Variants in ARHGAP8 observed in about 807,000 individuals in gnomAD.
ARHGAP8 encodes Rho GTPase activating protein 8.
A neutral mutation model predicts 46.1 loss-of-function variants in ARHGAP8; 62 were observed. The observed-to-expected ratio is 1.34, with a 90% CI of 1.10 to 1.66. The LOEUF (loss-of-function observed/expected upper bound fraction) is 1.66. Among genes scored for constraint, ARHGAP8 ranks in the 40% most tolerant of loss-of-function variants. ARHGAP8 has a pLI of 0.00. For synonymous variants in ARHGAP8, 375 were observed against 243.1 expected (o/e 1.54, Z -5.05); for missense variants, 923 against 568.4 (o/e 1.62, Z -6.34).
chr22:44,759,486 G>A (rs1003739751), intron 1 of ARHGAP8, among the ~76,000 whole-genome samples: 2 of 152,186 alleles, frequency 1.3e-5, no homozygotes, highest in Non-Finnish European at 2.9e-5. Flanking sequence ...CCATGTAGCT[G>A]CAAAGGTCTG....
At chr22:44,812,304 C>T (rs1290308332) in intron 4 of ARHGAP8, among the ~76,000 whole-genome samples, 1 of 151,636 alleles carries the variant, frequency 6.6e-6, no homozygotes, top group Non-Finnish European at 1.5e-5. Context: ...CTCTGGAAGC[C>T]ACTGCTACTG....
intron 5 of ARHGAP8, among the ~76,000 whole-genome samples, chr22:44,821,522 C>A (rs1602225082): frequency 6.6e-6 from 1 of 152,082 alleles, no homozygotes; most frequent in Admixed American, 6.5e-5. Context: ...ATGGCAAAAA[C>A]CAAACCTAGA....
chr22:44,796,921 G>C (rs1928130230), intron 2 of ARHGAP8, among the ~76,000 whole-genome samples: 1 of 152,208 alleles, frequency 6.6e-6, no homozygotes. Flanking sequence ...CCCTCAACCT[G>C]TGAAGGGTGG....
intron 1 of ARHGAP8, among the ~76,000 whole-genome samples, chr22:44,781,238 C>A (rs1557559): frequency 0.074 from 11,218 of 152,232 alleles, 860 homozygotes; most frequent in African/African-American, 0.2. Flanking sequence ...TGGAATTTTA[C>A]ATACATTGCT....
intron 10 of ARHGAP8, among the ~76,000 whole-genome samples, chr22:44,853,483 G>A (rs2070146335): frequency 6.6e-6 from 1 of 152,156 alleles, no homozygotes; most frequent in Non-Finnish European, 1.5e-5. Flanking sequence ...GAGAGGAACT[G>A]AGAACCCGCA....
At chr22:44,822,319 CCT>C in intron 5 of ARHGAP8, 50 bp from the exon 6 acceptor site, 4 of 1,506,268 alleles carry the variant, frequency 2.7e-6, no homozygotes, top group South Asian at 1.3e-5. Context: ...CAACCCTCGG[CCT>C]CTCTGCTGGC....
chr22:44,793,230 G>T (rs951520510), intron 2 of ARHGAP8, among the ~76,000 whole-genome samples: 4 of 152,156 alleles, frequency 2.6e-5, no homozygotes, highest in African/African-American at 9.7e-5. Flanking sequence ...CTGAGGCTGG[G>T]AGCTCAGAGT....
chr22:44,816,680 C>G (rs1197328539), intron 5 of ARHGAP8, among the ~76,000 whole-genome samples: 3 of 151,838 alleles, frequency 2.0e-5, no homozygotes, highest in African/African-American at 7.3e-5. Context: ...TAGCATGCGC[C>G]TGTGGTCCCA....
In ARHGAP8 at chr22:44,811,964, T is replaced by G. The variant is rs1489443082; in HGVS notation, c.300-2708T>G. Among the ~76,000 whole-genome samples the G allele has an allele frequency of 2.7e-5, 4 of 147,276 alleles. No individual in the cohort carries two copies. The Admixed American group carries it at 2.7e-4, about 10-fold the overall frequency. On this transcript the variant is annotated intron_variant, in intron 4 of 11. Transcript: ENST00000356099. ...GTGAGCTGAGATCGCGCCACCGCAC[T>G]CCATCCTGGGCAACAGAGTGAAACT... is the stretch of plus-strand genomic sequence containing the variant.
At chr22:44,857,966 C>T (rs538812281) in intron 10 of ARHGAP8, among the ~76,000 whole-genome samples, 1 of 151,048 alleles carries the variant, frequency 6.6e-6, no homozygotes, top group Non-Finnish European at 1.5e-5. Context: ...GTGACCTGCA[C>T]CAGTACCCAC....
chr22:44,764,151 T>C (rs1925371551), intron 1 of ARHGAP8, among the ~76,000 whole-genome samples: 2 of 151,800 alleles, frequency 1.3e-5, no homozygotes, highest in Admixed American at 1.3e-4. Context: ...GCTTGCAGAG[T>C]TGTAAAACAA....
intron 6 of ARHGAP8, among the ~76,000 whole-genome samples, chr22:44,823,718 G>C (rs1930315191): frequency 1.3e-5 from 2 of 152,168 alleles, no homozygotes; most frequent in South Asian, 4.1e-4. Context: ...TTGGTCTGGT[G>C]ACAAAGGGTA....
rs1330501665 is a variant in ARHGAP8, at chr22:44,801,484, GCTGTCT to G, written c.80-592_80-587del. ...GTGTGTGGGGGCACCTCTCCCCGCA[GCTGTCT>G]ATGTGTGGGGGCACCTCTCCCCGCA... On this transcript the variant is annotated intron_variant, in intron 2 of 11. Transcript: ENST00000356099. 8.0e-3 allele frequency among the ~76,000 whole-genome samples: 472 copies of G among 59,312 alleles called. 7 individuals carry two copies. The highest frequency in any genetic ancestry group is 0.027 in the African/African-American group (458 of 17,122). 38.9% of individuals were successfully genotyped at this position (59,312 alleles called of 152,430 possible).
intron 3 of ARHGAP8, 66 bp downstream of exon 3, chr22:44,802,230 C>T: frequency 5.7e-6 from 9 of 1,583,846 alleles, no homozygotes; most frequent in Non-Finnish European, 7.8e-6. Context: ...ATCCCTTCAC[C>T]CCACCTCACT....
At chr22:44,862,056 G>C (rs1389311302) in intron 11 of ARHGAP8, among the ~76,000 whole-genome samples, 2 of 152,218 alleles carry the variant, frequency 1.3e-5, no homozygotes, top group Non-Finnish European at 2.9e-5. Context: ...GAGCCAGAGG[G>C]TCCTCCAGGA....
chr22:44,815,761 G>A (rs1456793659), intron 5 of ARHGAP8, among the ~76,000 whole-genome samples: 1 of 152,148 alleles, frequency 6.6e-6, no homozygotes, highest in Non-Finnish European at 1.5e-5. Flanking sequence ...GGCCTGGGAG[G>A]CTCTGCCTGG....
intron 5 of ARHGAP8, among the ~76,000 whole-genome samples, chr22:44,815,203 G>A (rs755020181): frequency 9.9e-5 from 15 of 152,204 alleles, no homozygotes; most frequent in South Asian, 4.1e-4. Flanking sequence ...CTCTCCGGGC[G>A]GATTCATACA....
intron 1 of ARHGAP8, among the ~76,000 whole-genome samples, chr22:44,770,210 C>G (rs1925895465): frequency 6.6e-6 from 1 of 152,096 alleles, no homozygotes; most frequent in Admixed American, 6.6e-5. Context: ...TGCCACTGCA[C>G]TCCAGCCTGG....
intron 3 of ARHGAP8, among the ~76,000 whole-genome samples, chr22:44,803,274 T>TG (rs1338984742): frequency 1.3e-5 from 2 of 152,024 alleles, no homozygotes; most frequent in African/African-American, 2.4e-5. Context: ...TGGTACAGGG[T>TG]GGGGGGCCGT....
Sources: gnomAD v4.1 joint callset for allele counts (sites outside exome capture counted in the v4.1 genomes callset) on GRCh38, gnomAD v4.1.1 for gene constraint, MANE v1.5 for transcripts, NCBI Gene and HGNC (gene_info 2026-07-23, HGNC 2026-07-21) for gene names.